The following ROBO1 variants were observed in gnomAD, a reference collection of about 807,000 sequenced individuals.
ROBO1 encodes roundabout guidance receptor 1.
In ROBO1, 149 loss-of-function variants were observed where a neutral mutation model predicts 195.9. That is an observed-to-expected ratio of 0.76 (90% confidence interval 0.67 to 0.87). The LOEUF is 0.87. ROBO1 is among the 40% of genes least tolerant of loss of function. ROBO1 has a pLI of 0.00. For missense variants in ROBO1, 1,933 were observed against 2,068.3 expected (o/e 0.93, Z 1.27); for synonymous variants, 816 against 733.2 (o/e 1.11, Z -1.82).
intron 2 of ROBO1, among the ~76,000 whole-genome samples, chr3:79,496,578 G>T (rs1027880513): frequency 2.0e-5 from 3 of 148,404 alleles, no homozygotes; most frequent in Non-Finnish European, 4.5e-5. Flanking sequence ...TAGTAGAGAC[G>T]GGGTTTCACC....
intron 1 of ROBO1, among the ~76,000 whole-genome samples, chr3:79,748,446 T>G (rs2107462635): frequency 6.6e-6 from 1 of 152,350 alleles, no homozygotes; most frequent in South Asian, 2.1e-4. Context: ...ATATTCTTAA[T>G]ATGGATCTCC....
chr3:79,187,518 T>C (rs1454178494), intron 2 of ROBO1, among the ~76,000 whole-genome samples: 1 of 152,032 alleles, frequency 6.6e-6, no homozygotes, highest in Non-Finnish European at 1.5e-5. Flanking sequence ...TGTGGAACTG[T>C]GAATAAATTT....
At chr3:79,068,321 G>T (rs1315234470) in intron 3 of ROBO1, among the ~76,000 whole-genome samples, 1 of 151,722 alleles carries the variant, frequency 6.6e-6, no homozygotes, top group Non-Finnish European at 1.5e-5. Flanking sequence ...TGTTGCTATG[G>T]ATATTGCAGA....
At chr3:79,428,109 G>A (rs1465086368) in intron 2 of ROBO1, among the ~76,000 whole-genome samples, 1 of 151,942 alleles carries the variant, frequency 6.6e-6, no homozygotes, top group Non-Finnish European at 1.5e-5. Flanking sequence ...CTATAGGAAA[G>A]CATCTAATAA....
At chr3:79,201,150 T>TA (rs2081756251) in intron 2 of ROBO1, among the ~76,000 whole-genome samples, 1 of 151,980 alleles carries the variant, frequency 6.6e-6, no homozygotes, top group African/African-American at 2.4e-5. Context: ...TGGATGCCTG[T>TA]AAAAACCATC....
intron 18 of ROBO1, among the ~76,000 whole-genome samples, chr3:78,652,157 G>A (rs960691688): frequency 6.6e-6 from 1 of 152,074 alleles, no homozygotes; most frequent in Admixed American, 6.6e-5. Flanking sequence ...ATAGAATCAT[G>A]CTTAAAAACA....
chr3:79,619,400 C>T (rs1028581468), intron 1 of ROBO1, among the ~76,000 whole-genome samples: 2 of 152,136 alleles, frequency 1.3e-5, no homozygotes, highest in Non-Finnish European at 2.9e-5. Context: ...CACACCTGAC[C>T]TAAAACGTAA....
intron 4 of ROBO1, among the ~76,000 whole-genome samples, chr3:78,894,328 G>GA (rs1214024714): frequency 2.6e-5 from 4 of 151,954 alleles, no homozygotes; most frequent in African/African-American, 7.2e-5. Flanking sequence ...CTAAAGAAAT[G>GA]AAAAAACCAT....
chr3:79,623,802 A>G (rs1560047782), intron 1 of ROBO1, among the ~76,000 whole-genome samples: 1 of 152,232 alleles, frequency 6.6e-6, no homozygotes, highest in Non-Finnish European at 1.5e-5. Flanking sequence ...AACTTTCCCA[A>G]CCTAGCAAGA....
chr3:78,657,409 T>A, intron 17 of ROBO1, 140 bp from the exon 18 acceptor site: 3 of 729,618 alleles, frequency 4.1e-6, no homozygotes, highest in Non-Finnish European at 6.4e-6. Flanking sequence ...AGTCATTTTT[T>A]CCCTAAAATC....
At chr3:79,105,089 C>T (rs940665401) in intron 3 of ROBO1, among the ~76,000 whole-genome samples, 1 of 151,642 alleles carries the variant, frequency 6.6e-6, no homozygotes, top group African/African-American at 2.4e-5. Flanking sequence ...ATCTAGGAGA[C>T]CATCTTTGTG....
intron 2 of ROBO1, among the ~76,000 whole-genome samples, chr3:79,379,947 C>A (rs912783434): frequency 8.5e-5 from 13 of 152,188 alleles, no homozygotes; most frequent in Admixed American, 2.6e-4. Context: ...TATTATATAA[C>A]TATTTATTTA....
intron 4 of ROBO1, among the ~76,000 whole-genome samples, chr3:78,876,725 T>A (rs1451940485): frequency 6.6e-6 from 1 of 152,202 alleles, no homozygotes; most frequent in South Asian, 2.1e-4. Flanking sequence ...GTAAAGAACG[T>A]ACTGTGGAAT....
chr3:79,319,895 T>C (rs1235521750), intron 2 of ROBO1, among the ~76,000 whole-genome samples: 1 of 152,294 alleles, frequency 6.6e-6, no homozygotes, highest in East Asian at 1.9e-4. Context: ...CTCCATACAC[T>C]CTTTCTAATC....
chr3:79,175,596 C>T (rs2081250558), intron 2 of ROBO1, among the ~76,000 whole-genome samples: 1 of 152,202 alleles, frequency 6.6e-6, no homozygotes, highest in Non-Finnish European at 1.5e-5. Context: ...AAGATACTTG[C>T]TTATTACAAT....
chr3:79,653,135 T>A (rs1233377385), intron 1 of ROBO1, among the ~76,000 whole-genome samples: 2 of 151,786 alleles, frequency 1.3e-5, no homozygotes, highest in African/African-American at 4.8e-5. Context: ...AATAACTTAC[T>A]GGAGGATTAT....
chr3:78,654,014 G>A (rs1266247219), intron 18 of ROBO1, among the ~76,000 whole-genome samples: 1 of 152,142 alleles, frequency 6.6e-6, no homozygotes, highest in Non-Finnish European at 1.5e-5. Context: ...AATACAATCT[G>A]CTTTAAGATA....
chr3:78,927,870 T>C (rs2107630900), intron 4 of ROBO1, among the ~76,000 whole-genome samples: 1 of 152,320 alleles, frequency 6.6e-6, no homozygotes, highest in East Asian at 1.9e-4. Context: ...AGCATTTGCC[T>C]TTCTGAAATG....
chr3:79,430,718 C>T lies in ROBO1; in HGVS notation c.88+159106G>A, dbSNP rs151274953. 3.9e-5 allele frequency among the ~76,000 whole-genome samples: 6 copies of T among 152,158 alleles called. No individual in the cohort carries two copies. The East Asian group carries it at 1.2e-3, about 29-fold the overall frequency. The stretch of plus-strand genomic sequence containing the variant: ...TTCCATTTTTCCTCTTGTTCCTGTT[C>T]TCTACATTTTTTGAAGATTTTACAG... On this transcript the variant is annotated intron_variant, in intron 2 of 30. Transcript: ENST00000464233.
Sources: allele counts gnomAD v4.1 joint callset (sites outside exome capture counted in the v4.1 genomes callset), GRCh38; gene constraint gnomAD v4.1.1; transcripts MANE v1.5; gene names NCBI Gene and HGNC (gene_info 2026-07-23, HGNC 2026-07-21).